The following FKBP1B variants were observed in gnomAD, a reference collection of about 807,000 sequenced individuals.
FKBP1B encodes FKBP prolyl isomerase 1B, also known as peptidyl-prolyl cis-trans isomerase FKBP1B.
A neutral mutation model predicts 13.5 loss-of-function variants in FKBP1B; 4 were observed. That is an observed-to-expected ratio of 0.30 (90% CI 0.15 to 0.68). FKBP1B has a LOEUF of 0.68. Ranked by LOEUF, FKBP1B falls within the 30% of genes least tolerant of loss-of-function variation. The probability of loss-of-function intolerance (pLI) is 0.76; values close to 1 mark genes in which losing one functional copy is unlikely to be tolerated. For synonymous variants in FKBP1B, 54 were observed against 53.6 expected, an observed-to-expected ratio of 1.01 and a Z score of -0.03; for missense variants, 93 against 136.2, an observed-to-expected ratio of 0.68 and a Z score of 1.58.
chr2:24,037,627 G>T, the FKBP1B span: 1 of 1,522,874 alleles, frequency 6.6e-7, no homozygotes, highest in South Asian at 1.3e-5. Context: ...AGTACTCACC[G>T]GCTGCAGGAG....
At chr2:24,047,183 T>C (rs72781697), upstream of FKBP1B, 1,626 of 151,576 alleles carry the variant, frequency 0.011, 13 homozygotes, top group Middle Eastern at 0.027. Flanking sequence ...CGCCCCATTC[T>C]CCTCATCCTC....
chr2:24,048,977 G>C (rs2150958178), upstream of FKBP1B, among the ~76,000 whole-genome samples: 1 of 152,234 alleles, frequency 6.6e-6, no homozygotes. Flanking sequence ...AACTACACGA[G>C]ATGGAGAACA....
chr2:24,037,581 T>C, the FKBP1B span: 1 of 1,323,798 alleles, frequency 7.6e-7, no homozygotes, highest in Non-Finnish European at 1.0e-6. Flanking sequence ...TGAAGCTCAG[T>C]TAGAGCACCA....
At chr2:24,035,986 T>C in the FKBP1B span, among the ~76,000 whole-genome samples, 1 of 151,320 alleles carries the variant, frequency 6.6e-6, no homozygotes, top group African/African-American at 2.4e-5. Context: ...GGAGAATTGC[T>C]AGAACCTGGG....
intron 1 of FKBP1B, among the ~76,000 whole-genome samples, chr2:24,053,483 T>C (rs1663974558): frequency 6.6e-6 from 1 of 152,018 alleles, no homozygotes; most frequent in Admixed American, 6.6e-5. Flanking sequence ...GGATGGATTA[T>C]AATCTGCATT....
chr2:24,038,535 G>A, the FKBP1B span: 1 of 1,614,218 alleles, frequency 6.2e-7, no homozygotes. Flanking sequence ...AGGTCACAAG[G>A]ACCAAATGTG....
At chr2:24,044,150 G>A in the FKBP1B span, among the ~76,000 whole-genome samples, 6 of 152,092 alleles carry the variant, frequency 3.9e-5, no homozygotes, top group Non-Finnish European at 8.8e-5. Context: ...CATCCAAGTC[G>A]ATTTATATAT....
At chr2:24,038,349 T>C in the FKBP1B span, 1 of 1,614,210 alleles carries the variant, frequency 6.2e-7, no homozygotes, top group Non-Finnish European at 8.5e-7. Context: ...CAGTGTTCTC[T>C]AATCGAATTT....
At chr2:24,040,960 G>C in the FKBP1B span, among the ~76,000 whole-genome samples, 5 of 152,118 alleles carry the variant, frequency 3.3e-5, no homozygotes, top group Non-Finnish European at 7.3e-5. Context: ...AGGCTACAGT[G>C]AGCTGAGATC....
chr2:24,055,194 CTT>C (rs71395180), intron 2 of FKBP1B, among the ~76,000 whole-genome samples: 100 of 131,146 alleles, frequency 7.6e-4, no homozygotes, highest in African/African-American at 9.7e-4. Context: ...CATTGTTTTT[CTT>C]TTTTTTTTTT....
chr2:24,058,338 G>A (rs934450773), intron 2 of FKBP1B, among the ~76,000 whole-genome samples: 1 of 151,942 alleles, frequency 6.6e-6, no homozygotes, highest in Admixed American at 6.5e-5. Context: ...TGTGGATTTG[G>A]TAGGGGTTAA....
At chr2:24,035,941 T>C in the FKBP1B span, among the ~76,000 whole-genome samples, 4 of 151,166 alleles carry the variant, frequency 2.6e-5, no homozygotes, top group Admixed American at 2.0e-4. Flanking sequence ...TGGTGGCACG[T>C]GCCTGTAATC....
At chr2:24,033,207 T>C in the FKBP1B span, 1 of 557,106 alleles carries the variant, frequency 1.8e-6, no homozygotes, top group Non-Finnish European at 3.5e-6. Context: ...AGAATACAAC[T>C]AATAACACTA....
chr2:24,038,175 T>A, the FKBP1B span: 14 of 1,614,252 alleles, frequency 8.7e-6, no homozygotes, highest in Non-Finnish European at 1.2e-5. Flanking sequence ...TTTCACCTGA[T>A]GTTATTGAAG....
In FKBP1B at chr2:24,051,655, G is replaced by T. The variant is rs567434706; in HGVS notation, c.37+1769G>T. The stretch of plus-strand genomic sequence containing the variant: ...TGCTGGACTGAGGGCCTTTGAACAT[G>T]TTACATGTTGTTCCCTCTTCCCAGA... On this transcript the variant is annotated intron_variant, in intron 1 of 3. Transcript: ENST00000380986. Among the ~76,000 whole-genome samples, 23 of 152,330 alleles carry T rather than the reference G, an allele frequency of 1.5e-4. No homozygotes were observed. In the South Asian group the frequency reaches 4.8e-3, roughly 32 times the overall value.
chr2:24,040,083 G>A, the FKBP1B span, among the ~76,000 whole-genome samples: 1 of 152,144 alleles, frequency 6.6e-6, no homozygotes, highest in Non-Finnish European at 1.5e-5. Flanking sequence ...TTATAGGCAT[G>A]AGCTCCCGCG....
the FKBP1B span, among the ~76,000 whole-genome samples, chr2:24,043,243 C>T: frequency 8.6e-5 from 13 of 151,986 alleles, no homozygotes; most frequent in African/African-American, 3.1e-4. Context: ...GGCTGAGACA[C>T]GAGAATTGCT....
At chr2:24,043,575 T>TA in the FKBP1B span, among the ~76,000 whole-genome samples, 4 of 152,214 alleles carry the variant, frequency 2.6e-5, no homozygotes, top group Non-Finnish European at 5.9e-5. Flanking sequence ...AGTTATCAAA[T>TA]AGTTGTGTAA....
At chr2:24,056,196 G>T (rs979123446) in intron 2 of FKBP1B, among the ~76,000 whole-genome samples, 13 of 151,800 alleles carry the variant, frequency 8.6e-5, no homozygotes, top group African/African-American at 3.1e-4. Flanking sequence ...CACCATATTG[G>T]CCAGGCTGAT....
Sources: allele counts gnomAD v4.1 joint callset (sites outside exome capture counted in the v4.1 genomes callset), GRCh38; gene constraint gnomAD v4.1.1; transcripts MANE v1.5; gene names NCBI Gene and HGNC (gene_info 2026-07-23, HGNC 2026-07-21).